Variants in SPATA13 observed in about 807,000 individuals in gnomAD.
SPATA13 encodes the protein spermatogenesis associated 13.
SPATA13 carries 50 observed loss-of-function variants against 104.0 expected under a neutral mutation model. The observed-to-expected ratio is 0.48, with a 90% CI of 0.38 to 0.61. The LOEUF (loss-of-function observed/expected upper bound fraction) is 0.61, where lower values mean the gene tolerates loss of function less well. Ranked by LOEUF, SPATA13 falls within the 20% of genes least tolerant of loss-of-function variation. SPATA13 has a pLI of 0.00. For synonymous variants in SPATA13, 606 were observed against 667.5 expected, an observed-to-expected ratio of 0.91 and a Z score of 1.42; for missense variants, 1,524 against 1,690.6, an observed-to-expected ratio of 0.90 and a Z score of 1.73.
intron 4 of SPATA13, among the ~76,000 whole-genome samples, chr13:24,271,744 C>T (rs937861107): frequency 3.3e-5 from 5 of 152,168 alleles, no homozygotes; most frequent in Admixed American, 2.6e-4. Context: ...TAAATAGATG[C>T]CAGCGCCTCG....
chr13:24,120,403 G>T (rs1045467178), intron 3 of SPATA13, among the ~76,000 whole-genome samples: 1 of 152,200 alleles, frequency 6.6e-6, no homozygotes, highest in African/African-American at 2.4e-5. Context: ...TGGCTAAGCT[G>T]TCTTTACTTG....
At chr13:24,246,532 G>A (rs143025590) in intron 2 of SPATA13, among the ~76,000 whole-genome samples, 3 of 152,120 alleles carry the variant, frequency 2.0e-5, no homozygotes, top group Non-Finnish European at 2.9e-5. Flanking sequence ...GCGTTTGTGC[G>A]TGTCTCTGTG....
At chr13:24,253,708 A>G (rs1326393252) in intron 4 of SPATA13, among the ~76,000 whole-genome samples, 2 of 151,970 alleles carry the variant, frequency 1.3e-5, no homozygotes, top group African/African-American at 4.8e-5. Context: ...CTCCTCTCCA[A>G]GGAGGTGACG....
intron 3 of SPATA13, among the ~76,000 whole-genome samples, chr13:24,078,254 T>C (rs918359985): frequency 3.3e-5 from 5 of 152,182 alleles, no homozygotes; most frequent in Admixed American, 6.5e-5. Context: ...GGCAAAACTT[T>C]GGAGCCAGAC....
At chr13:24,015,599 CA>C (rs916627624) in intron 2 of SPATA13, among the ~76,000 whole-genome samples, 4 of 152,224 alleles carry the variant, frequency 2.6e-5, no homozygotes, top group African/African-American at 9.6e-5. Context: ...GCTTCACTCT[CA>C]CCATTGCCCA....
intron 3 of SPATA13, among the ~76,000 whole-genome samples, chr13:24,141,599 C>T (rs1227863112): frequency 6.6e-6 from 1 of 152,138 alleles, no homozygotes; most frequent in Non-Finnish European, 1.5e-5. Flanking sequence ...CTAGGGCAGT[C>T]CCTGTGATAA....
At chr13:24,159,544 G>T (rs970137718), upstream of SPATA13, among the ~76,000 whole-genome samples, 1 of 152,058 alleles carries the variant, frequency 6.6e-6, no homozygotes, top group African/African-American at 2.4e-5. Flanking sequence ...TCTTACATTC[G>T]AGTGGCACAT....
At chr13:24,089,069 C>T (rs1471640408) in intron 3 of SPATA13, among the ~76,000 whole-genome samples, 1 of 152,206 alleles carries the variant, frequency 6.6e-6, no homozygotes, top group Non-Finnish European at 1.5e-5. Context: ...ACTCAATTGG[C>T]AGTTTTCATA....
chr13:24,120,387 G>C (rs1441192063), intron 3 of SPATA13, among the ~76,000 whole-genome samples: 9 of 152,232 alleles, frequency 5.9e-5, no homozygotes, highest in Admixed American at 5.2e-4. Context: ...CTTTGGGGAA[G>C]ATGTATGGCT....
chr13:24,037,959 T>C (rs559914236), intron 3 of SPATA13, among the ~76,000 whole-genome samples: 1 of 152,230 alleles, frequency 6.6e-6, no homozygotes, highest in East Asian at 1.9e-4. Context: ...TCACCCAGGC[T>C]GCATTGCAGT....
In SPATA13 at chr13:24,301,961, G is replaced by A. The variant is rs78949968; in HGVS notation, c.3659-637G>A. Among the ~76,000 whole-genome samples, 242 of 152,300 alleles carry A rather than the reference G, an allele frequency of 1.6e-3. 3 individuals are homozygous for A. In the East Asian group the frequency reaches 0.028, roughly 18 times the overall value. On this transcript the variant is annotated intron_variant, in intron 12 of 12. Transcript: ENST00000382108. ...GTTTTAGGGATTGGGGAACCAAGGC[G>A]TAGAGAAATCATATCATTTCCCCAG...
chr13:24,084,384 G>A (rs1025652530), intron 3 of SPATA13, among the ~76,000 whole-genome samples: 1 of 152,194 alleles, frequency 6.6e-6, no homozygotes, highest in African/African-American at 2.4e-5. Context: ...CCCTTAAGAT[G>A]GGCAGGATGC....
intron 2 of SPATA13, among the ~76,000 whole-genome samples, chr13:24,013,325 G>A (rs969354871): frequency 1.3e-5 from 2 of 152,108 alleles, no homozygotes; most frequent in African/African-American, 2.4e-5. Context: ...CTGCCAGCCC[G>A]TTCCTCCCCT....
chr13:23,985,835 C>T (rs376066669), intron 2 of SPATA13, among the ~76,000 whole-genome samples: 1 of 152,168 alleles, frequency 6.6e-6, no homozygotes, highest in Non-Finnish European at 1.5e-5. Flanking sequence ...CTGGTCACAA[C>T]CCTAGATGGT....
intron 3 of SPATA13, among the ~76,000 whole-genome samples, chr13:24,037,144 G>C (rs1034420098): frequency 7.1e-6 from 1 of 140,454 alleles, no homozygotes; most frequent in Non-Finnish European, 1.5e-5. Context: ...TTGAAAACAG[G>C]TTCTTCAATG....
At chr13:24,183,825 A>G (rs1868964859) in intron 1 of SPATA13, among the ~76,000 whole-genome samples, 1 of 152,096 alleles carries the variant, frequency 6.6e-6, no homozygotes, top group Non-Finnish European at 1.5e-5. Flanking sequence ...TGCTGGGAGT[A>G]GAGGCTTAGA....
chr13:24,121,393 T>G (rs1416703030), intron 3 of SPATA13, among the ~76,000 whole-genome samples: 1 of 152,222 alleles, frequency 6.6e-6, no homozygotes, highest in Admixed American at 6.5e-5. Context: ...CATCTTTTTA[T>G]AAACAGCAAA....
At position 24,284,905 on chromosome 13, in the gene SPATA13, A is replaced by G. The variant is rs74343319; in HGVS notation, c.2301+634A>G. On this transcript the variant is annotated intron_variant, in intron 5 of 12. Transcript: ENST00000382108. ...TTATCCACATTTTCATCAACGCTCT[A>G]AGGAAAGATGTCTAATTACTGGCTG... 4.9e-3 allele frequency among the ~76,000 whole-genome samples: 750 copies of G among 152,286 alleles called. 7 individuals carry two copies. Among genetic ancestry groups the G allele is most frequent in the African/African-American group, 0.017 (721 of 41,556 alleles).
At chr13:23,997,710 C>G (rs774013404) in intron 2 of SPATA13, among the ~76,000 whole-genome samples, 1 of 152,010 alleles carries the variant, frequency 6.6e-6, no homozygotes, top group Non-Finnish European at 1.5e-5. Flanking sequence ...GGGGAGCAGG[C>G]GTGTCACATG....
Sources: gnomAD v4.1 joint callset for allele counts (sites outside exome capture counted in the v4.1 genomes callset) on GRCh38, gnomAD v4.1.1 for gene constraint, MANE v1.5 for transcripts, NCBI Gene and HGNC (gene_info 2026-07-23, HGNC 2026-07-21) for gene names.